Variants in FBXL17 observed in about 807,000 individuals in gnomAD.
FBXL17 encodes F-box and leucine rich repeat protein 17, also known as F-box/LRR-repeat protein 17.
In FBXL17, 22 loss-of-function variants were observed where a neutral mutation model predicts 66.2. The observed-to-expected ratio is 0.33, with a 90% CI of 0.24 to 0.47. FBXL17 has a LOEUF of 0.47. FBXL17 is among the 20% of genes least tolerant of loss of function. FBXL17 has a pLI of 1.00. For synonymous variants in FBXL17, 474 were observed against 400.5 expected (o/e 1.18, Z -2.19); for missense variants, 878 against 948.2 (o/e 0.93, Z 0.97).
intron 6 of FBXL17, among the ~76,000 whole-genome samples, chr5:108,126,656 TATATATAC>T (rs1447620019): frequency 5.5e-4 from 68 of 124,074 alleles, no homozygotes; most frequent in Middle Eastern, 3.9e-3. Context: ...TCTCTCTATA[TATATATAC>T]ATATATATAT....
At chr5:107,872,195 T>C (rs1223503017) in intron 8 of FBXL17, among the ~76,000 whole-genome samples, 2 of 152,168 alleles carry the variant, frequency 1.3e-5, no homozygotes, top group Non-Finnish European at 2.9e-5. Flanking sequence ...GAACTGTACA[T>C]AAATCAGGGC....
At position 107,882,485 on chromosome 5, in the gene FBXL17, G is replaced by C. The variant is rs150493762; in HGVS notation, c.1823-1306C>G. On this transcript the variant is annotated intron_variant, in intron 7 of 8. Transcript: ENST00000542267. ...TGTTTTCCAGTGAAAATACAATAGA[G>C]AGACAATTTTTTTAAAAAAAGTTCT... 3.3e-4 allele frequency among the ~76,000 whole-genome samples: 50 copies of C among 152,076 alleles called. No individual in the cohort carries two copies. In the East Asian group the frequency reaches 7.5e-3, roughly 23 times the overall value.
intron 6 of FBXL17, among the ~76,000 whole-genome samples, chr5:108,032,393 G>A (rs1399752578): frequency 6.6e-6 from 1 of 152,050 alleles, no homozygotes; most frequent in African/African-American, 2.4e-5. Flanking sequence ...TGACCCCCAA[G>A]GACATCAGGT....
intron 5 of FBXL17, among the ~76,000 whole-genome samples, chr5:108,201,421 A>C (rs1753888847): frequency 6.6e-6 from 1 of 152,136 alleles, no homozygotes; most frequent in Admixed American, 6.6e-5. Context: ...GTGCAGTAAA[A>C]ATGGTTCTGA....
At chr5:107,878,825 C>A in intron 8 of FBXL17, 1 of 985,504 alleles carries the variant, frequency 1.0e-6, no homozygotes, top group Non-Finnish European at 1.2e-6. Context: ...TGCTTTAAGT[C>A]TGAGGAAGCC....
At chr5:107,987,121 A>C (rs1753042618) in intron 7 of FBXL17, among the ~76,000 whole-genome samples, 2 of 152,082 alleles carry the variant, frequency 1.3e-5, no homozygotes, top group African/African-American at 4.8e-5. Flanking sequence ...AGATAGGAAA[A>C]CACAAGAGAG....
At chr5:107,893,292 C>T (rs1351083972) in intron 7 of FBXL17, among the ~76,000 whole-genome samples, 2 of 152,132 alleles carry the variant, frequency 1.3e-5, no homozygotes, top group Non-Finnish European at 2.9e-5. Context: ...GGAGCTTAAA[C>T]CATGCACAAA....
intron 4 of FBXL17, among the ~76,000 whole-genome samples, chr5:108,287,918 T>C (rs569097404): frequency 6.6e-6 from 1 of 152,090 alleles, no homozygotes; most frequent in East Asian, 1.9e-4. Flanking sequence ...ATATACACCA[T>C]GGAATACTAC....
chr5:108,353,420 C>G (rs1014269750), intron 3 of FBXL17, among the ~76,000 whole-genome samples: 1 of 152,114 alleles, frequency 6.6e-6, no homozygotes, highest in African/African-American at 2.4e-5. Context: ...TCCAGGGGGA[C>G]CAGGTTATAA....
intron 4 of FBXL17, among the ~76,000 whole-genome samples, chr5:108,225,477 C>A (rs746152635): frequency 2.6e-5 from 4 of 152,094 alleles, no homozygotes; most frequent in African/African-American, 9.7e-5. Flanking sequence ...ACTGGCGGAG[C>A]AGAGATGCAC....
chr5:108,179,289 C>T (rs993403761), intron 6 of FBXL17, among the ~76,000 whole-genome samples: 1 of 152,014 alleles, frequency 6.6e-6, no homozygotes, highest in Admixed American at 6.6e-5. Flanking sequence ...CAGAGAAGAT[C>T]AGGGGAGTTA....
At chr5:107,986,197 G>T (rs1435340273) in intron 7 of FBXL17, among the ~76,000 whole-genome samples, 3 of 150,672 alleles carry the variant, frequency 2.0e-5, no homozygotes, top group Non-Finnish European at 4.4e-5. Context: ...TCTGATACAG[G>T]TATAAACTTT....
chr5:108,235,726 T>G (rs1377419332), intron 4 of FBXL17, among the ~76,000 whole-genome samples: 1 of 152,212 alleles, frequency 6.6e-6, no homozygotes, highest in Non-Finnish European at 1.5e-5. Flanking sequence ...TCCCCTCTCC[T>G]TGATCACTTT....
intron 3 of FBXL17, among the ~76,000 whole-genome samples, chr5:108,356,041 A>G (rs1747965843): frequency 6.6e-6 from 1 of 152,214 alleles, no homozygotes; most frequent in Non-Finnish European, 1.5e-5. Flanking sequence ...GGATGAAGAA[A>G]GATATGCCAT....
intron 4 of FBXL17, among the ~76,000 whole-genome samples, chr5:108,260,184 G>C (rs1756754060): frequency 6.6e-6 from 1 of 152,204 alleles, no homozygotes. Context: ...CATTGGACAG[G>C]AGAGGACTAG....
intron 7 of FBXL17, among the ~76,000 whole-genome samples, chr5:108,016,460 G>C (rs956728935): frequency 6.6e-6 from 1 of 152,240 alleles, no homozygotes; most frequent in East Asian, 1.9e-4. Context: ...AATATCTCTA[G>C]AGTGTATTTC....
intron 6 of FBXL17, among the ~76,000 whole-genome samples, chr5:108,124,948 G>A (rs991768425): frequency 1.3e-5 from 2 of 151,852 alleles, no homozygotes; most frequent in African/African-American, 4.8e-5. Context: ...TTTCAAGAAA[G>A]GAAAACGACT....
At position 108,170,107 on chromosome 5, in the gene FBXL17, C is replaced by T. The variant is rs1267908704; in HGVS notation, c.1745+16010G>A. On this transcript the variant is annotated intron_variant, in intron 6 of 8. Coordinates refer to ENST00000542267, the MANE Select transcript of FBXL17 (RefSeq NM_001163315.3). ...CAAAATATTTATGTGCATGTGTGCA[C>T]AATACAATATTAAAATCATTGGTAA... Among the ~76,000 whole-genome samples, 6 of 151,782 alleles carry T rather than the reference C, an allele frequency of 4.0e-5. No individual in the cohort carries two copies. The East Asian group carries it at 1.2e-3, about 29-fold the overall frequency.
At chr5:108,207,292 T>A (rs1419383911) in intron 5 of FBXL17, among the ~76,000 whole-genome samples, 1 of 152,164 alleles carries the variant, frequency 6.6e-6, no homozygotes, top group African/African-American at 2.4e-5. Flanking sequence ...TAGATGGTTC[T>A]GGTTTCTCTA....
Sources: gnomAD v4.1 joint callset for allele counts (sites outside exome capture counted in the v4.1 genomes callset) on GRCh38, gnomAD v4.1.1 for gene constraint, MANE v1.5 for transcripts, NCBI Gene and HGNC (gene_info 2026-07-23, HGNC 2026-07-21) for gene names.